Variants in ARK2N observed in about 807,000 individuals in gnomAD.
ARK2N encodes protein ARK2N.
chr18:46,264,723 CTTCATCTTCTTCTTTTTT>C, the ARK2N span: 4 of 149,010 alleles, frequency 2.7e-5, no homozygotes, highest in African/African-American at 9.9e-5. Context: ...TCTTCTTCTT[CTTCATCTTCTTCTTTTTT>C]TTTTTTTTTT....
At chr18:46,207,545 G>C in the ARK2N span, among the ~76,000 whole-genome samples, 1 of 151,840 alleles carries the variant, frequency 6.6e-6, no homozygotes, top group African/African-American at 2.4e-5. Context: ...GCATGCCACA[G>C]TGCCCGGCTA....
the ARK2N span, among the ~76,000 whole-genome samples, chr18:46,251,417 C>T: frequency 6.6e-6 from 1 of 152,048 alleles, no homozygotes; most frequent in Non-Finnish European, 1.5e-5. Flanking sequence ...CTTTTGTATG[C>T]TTATAGGGTC....
At chr18:46,174,525 A>C in the ARK2N span, among the ~76,000 whole-genome samples, 1 of 151,946 alleles carries the variant, frequency 6.6e-6, no homozygotes, top group Non-Finnish European at 1.5e-5. Flanking sequence ...TTGCCGGCTG[A>C]CGCTGGGGCA....
chr18:46,176,470 TTTTA>T, the ARK2N span, among the ~76,000 whole-genome samples: 1 of 151,882 alleles, frequency 6.6e-6, no homozygotes, highest in Non-Finnish European at 1.5e-5. Flanking sequence ...TTTTTTTTTT[TTTTA>T]AAGACACTCT....
chr18:46,213,949 C>T, the ARK2N span, among the ~76,000 whole-genome samples: 1 of 152,106 alleles, frequency 6.6e-6, no homozygotes, highest in African/African-American at 2.4e-5. Context: ...CACTTGCCTC[C>T]ACCTCCTAAA....
At chr18:46,242,987 A>C in the ARK2N span, among the ~76,000 whole-genome samples, 2 of 152,168 alleles carry the variant, frequency 1.3e-5, no homozygotes, top group African/African-American at 4.8e-5. Flanking sequence ...TTGGACTATA[A>C]ATTTTGTGTA....
the ARK2N span, among the ~76,000 whole-genome samples, chr18:46,254,301 C>T: frequency 7.2e-5 from 11 of 152,276 alleles, no homozygotes; most frequent in Admixed American, 7.2e-4. Context: ...TTATTTTGGT[C>T]TGTTTTTACA....
chr18:46,200,545 A>G, the ARK2N span, among the ~76,000 whole-genome samples: 1 of 152,214 alleles, frequency 6.6e-6, no homozygotes, highest in Non-Finnish European at 1.5e-5. Flanking sequence ...TGACCTCATG[A>G]TCCGCCCGCC....
chr18:46,243,464 C>T, the ARK2N span, among the ~76,000 whole-genome samples: 1 of 152,128 alleles, frequency 6.6e-6, no homozygotes, highest in Non-Finnish European at 1.5e-5. Flanking sequence ...CACATAGGTA[C>T]GCACTAAAGA....
the ARK2N span, among the ~76,000 whole-genome samples, chr18:46,196,463 A>G: frequency 1.4e-5 from 2 of 147,932 alleles, no homozygotes; most frequent in Non-Finnish European, 3.0e-5. Flanking sequence ...GGGTTTCACC[A>G]TGTTAGCCAG....
chr18:46,260,946 G>C, the ARK2N span, among the ~76,000 whole-genome samples: 3 of 152,100 alleles, frequency 2.0e-5, no homozygotes, highest in Admixed American at 2.0e-4. Flanking sequence ...ACTGCTTGAC[G>C]TTACATTGTA....
chr18:46,220,990 G>A, the ARK2N span, among the ~76,000 whole-genome samples: 1 of 151,858 alleles, frequency 6.6e-6, no homozygotes, highest in Admixed American at 6.6e-5. Context: ...ACAAAAGTTA[G>A]CCAGGTGTAG....
chr18:46,202,282 T>C, the ARK2N span, among the ~76,000 whole-genome samples: 1 of 152,290 alleles, frequency 6.6e-6, no homozygotes, highest in African/African-American at 2.4e-5. Flanking sequence ...ATGTTGCAAT[T>C]TCCTCAGGAT....
At chr18:46,255,324 C>T in the ARK2N span, among the ~76,000 whole-genome samples, 9 of 152,000 alleles carry the variant, frequency 5.9e-5, no homozygotes, top group African/African-American at 2.2e-4. Context: ...TGTCCTAGCA[C>T]TTCATCCTCT....
chr18:46,202,504 A>C, the ARK2N span, among the ~76,000 whole-genome samples: 1 of 152,168 alleles, frequency 6.6e-6, no homozygotes, highest in Non-Finnish European at 1.5e-5. Context: ...GAAGGAAGAG[A>C]CTATATTTGT....
the ARK2N span, chr18:46,253,680 C>G: frequency 6.3e-7 from 1 of 1,592,632 alleles, no homozygotes; most frequent in Admixed American, 1.8e-5. Context: ...GTTTTTTTTC[C>G]TCCCCTTCTC....
the ARK2N span, among the ~76,000 whole-genome samples, chr18:46,245,846 T>G: frequency 1.3e-5 from 2 of 152,198 alleles, no homozygotes; most frequent in African/African-American, 2.4e-5. Flanking sequence ...TTTCTGTGCT[T>G]CTTTTTCTTA....
the ARK2N span, among the ~76,000 whole-genome samples, chr18:46,234,958 T>A: frequency 6.6e-6 from 1 of 152,092 alleles, no homozygotes; most frequent in Non-Finnish European, 1.5e-5. Flanking sequence ...GAAATGGGGG[T>A]CAAAGGGGCC....
the ARK2N span, chr18:46,217,436 T>C: frequency 1.3e-5 from 2 of 152,214 alleles, no homozygotes; most frequent in African/African-American, 4.8e-5. Context: ...TTTTGTAAAC[T>C]GTATGGCATT....
Sources: allele counts gnomAD v4.1 joint callset (sites outside exome capture counted in the v4.1 genomes callset), GRCh38; gene constraint gnomAD v4.1.1; transcripts MANE v1.5; gene names NCBI Gene and HGNC (gene_info 2026-07-23, HGNC 2026-07-21).